The following CEP162 variants were observed in gnomAD, a reference collection of about 807,000 sequenced individuals.
The protein encoded by CEP162 is centrosomal protein of 162 kDa.
Under a neutral mutation model 169.2 loss-of-function variants are expected in CEP162, and 141 were observed. The ratio of observed to expected loss-of-function variants is 0.83; its 90% CI spans 0.73 to 0.96. CEP162 has a LOEUF of 0.96. Among genes scored for constraint, CEP162 ranks in the 40% least tolerant of loss-of-function variants. The pLI, the probability that CEP162 is intolerant of heterozygous loss-of-function variation, is 0.00. For synonymous variants in CEP162, 540 were observed against 526.4 expected (o/e 1.03, Z -0.35); for missense variants, 1,600 against 1,587.2 (o/e 1.01, Z -0.14).
intron 3 of CEP162, 44 bp downstream of exon 3, chr6:84,221,013 C>T (rs1352424158): frequency 1.0e-6 from 1 of 979,422 alleles, no homozygotes; most frequent in African/African-American, 1.6e-5. Flanking sequence ...TTGACTGACC[C>T]CTTGTGGTCA....
At chr6:84,189,780 G>C (rs2099538972) in intron 11 of CEP162, among the ~76,000 whole-genome samples, 1 of 152,254 alleles carries the variant, frequency 6.6e-6, no homozygotes, top group African/African-American at 2.4e-5. Flanking sequence ...CTGGCAGGCA[G>C]CTCCACCTGC....
chr6:84,175,454 A>T, intron 13 of CEP162, 107 bp from the exon 14 acceptor site: 1 of 771,382 alleles, frequency 1.3e-6, no homozygotes, highest in Non-Finnish European at 2.0e-6. Flanking sequence ...AAAAATGAGG[A>T]TCTCAGAATA....
At chr6:84,211,280 G>A (rs571878466) in intron 6 of CEP162, among the ~76,000 whole-genome samples, 71 of 151,302 alleles carry the variant, frequency 4.7e-4, no homozygotes, top group African/African-American at 1.7e-3. Flanking sequence ...TGTAATCCCA[G>A]CACTTTGGGA....
chr6:84,202,627 G>A (rs1211614658), intron 7 of CEP162, among the ~76,000 whole-genome samples: 4 of 146,960 alleles, frequency 2.7e-5, no homozygotes, highest in Admixed American at 2.1e-4. Context: ...CCTGGGGTTC[G>A]AGCAATTCTC....
chr6:84,180,025 G>A (rs1046737995), intron 13 of CEP162, among the ~76,000 whole-genome samples: 2 of 152,052 alleles, frequency 1.3e-5, no homozygotes, highest in African/African-American at 4.8e-5. Flanking sequence ...ACTAAAGCCT[G>A]GCAGAGACAC....
At chr6:84,173,127 T>A (rs538452877) in intron 16 of CEP162, among the ~76,000 whole-genome samples, 67 of 152,188 alleles carry the variant, frequency 4.4e-4, no homozygotes, top group Admixed American at 1.4e-3. Context: ...CTGAAGAGCA[T>A]TACAGGAAAC....
Position 84,215,398 on chromosome 6 carries a change from C to T in CEP162, c.387G>A (p.Glu129=). 6.2e-7 allele frequency: 1 copy of T among 1,609,890 alleles called. No individual in the cohort carries two copies. The highest frequency in any genetic ancestry group is 8.5e-7 in the Non-Finnish European group (1 of 1,177,746). Residue 129 remains glutamate, a synonymous_variant, in exon 5 of 27, where the codon GAG becomes GAA. Coordinates refer to ENST00000403245, the MANE Select transcript of CEP162 (RefSeq NM_014895.4). The stretch of plus-strand genomic sequence containing the variant: ...GCCTGGCAAAAAATTGTTCTTTCTC[C>T]TCTTGTTCTTCTAATGTGTCCAATC... The part of the protein sequence containing the change: ...GVGLDTLEEQ[E]EKEQFFARLE...
At chr6:84,148,903 T>TA (rs2099520072) in intron 24 of CEP162, among the ~76,000 whole-genome samples, 3 of 152,156 alleles carry the variant, frequency 2.0e-5, no homozygotes, top group Non-Finnish European at 2.9e-5. Flanking sequence ...ATGCTATTTT[T>TA]ATAAGTGACA....
intron 18 of CEP162, among the ~76,000 whole-genome samples, chr6:84,168,782 T>C (rs2099528837): frequency 6.6e-6 from 1 of 152,184 alleles, no homozygotes; most frequent in South Asian, 2.1e-4. Context: ...TTCTTTATAA[T>C]ACAATTTAAT....
At chr6:84,175,571 A>G (rs9294294) in intron 13 of CEP162, among the ~76,000 whole-genome samples, 5,993 of 152,316 alleles carry the variant, frequency 0.039, 216 homozygotes, top group African/African-American at 0.098. Context: ...CAGATGGCCA[A>G]TTAACCCAAG....
chr6:84,134,438 G>A (rs991822133), intron 25 of CEP162, among the ~76,000 whole-genome samples: 7 of 152,166 alleles, frequency 4.6e-5, no homozygotes, highest in South Asian at 2.1e-4. Context: ...CCAAACGGCC[G>A]CCCAGTTTTG....
At chr6:84,222,802 T>C (rs2099554227) in intron 2 of CEP162, among the ~76,000 whole-genome samples, 3 of 152,154 alleles carry the variant, frequency 2.0e-5, no homozygotes, top group African/African-American at 7.2e-5. Flanking sequence ...AATCTTCCAC[T>C]TGCCAAACAA....
intron 13 of CEP162, among the ~76,000 whole-genome samples, chr6:84,183,615 C>T (rs1309850651): frequency 1.3e-5 from 2 of 152,112 alleles, no homozygotes; most frequent in Admixed American, 1.3e-4. Flanking sequence ...GTGTCACACT[C>T]CATTGATGCC....
At chr6:84,210,339 A>AG (rs2099548950) in intron 6 of CEP162, among the ~76,000 whole-genome samples, 1 of 152,208 alleles carries the variant, frequency 6.6e-6, no homozygotes, top group Non-Finnish European at 1.5e-5. Context: ...GCCAATCTAG[A>AG]GGACTTTCTC....
At chr6:84,134,919 T>TATACACACACACAC (rs1457258897) in intron 25 of CEP162, among the ~76,000 whole-genome samples, 2 of 148,256 alleles carry the variant, frequency 1.3e-5, no homozygotes, top group African/African-American at 5.0e-5. Context: ...AGATCATATA[T>TATACACACACACAC]ACACACACAC....
In CEP162 at chr6:84,198,116, A is replaced by C; in HGVS notation, c.835+2673T>G. Among the ~76,000 whole-genome samples the C allele has an allele frequency of 1.3e-5, 2 of 152,186 alleles. 1 individual carries two copies. The highest frequency in any genetic ancestry group is 2.9e-5 in the Non-Finnish European group (2 of 68,034). On this transcript the variant is annotated intron_variant, in intron 9 of 26. Coordinates refer to ENST00000403245, the MANE Select transcript of CEP162 (RefSeq NM_014895.4). ...AAAAGAGAATCTTTGACAATGTTTA[A>C]AGTTAGCCAATGTTTGAAAATTAAC...
intron 6 of CEP162, among the ~76,000 whole-genome samples, chr6:84,207,655 A>G (rs935005884): frequency 1.3e-5 from 2 of 152,020 alleles, no homozygotes; most frequent in African/African-American, 4.8e-5. Context: ...AACATGGCAC[A>G]TGTATACATA....
chr6:84,125,587 A>G (rs1285872096), intron 26 of CEP162, among the ~76,000 whole-genome samples: 2 of 152,152 alleles, frequency 1.3e-5, no homozygotes, highest in Non-Finnish European at 2.9e-5. Flanking sequence ...GATAAGAACC[A>G]GTGTTTCCAC....
At chr6:84,196,837 G>T (rs2099542365) in intron 9 of CEP162, among the ~76,000 whole-genome samples, 1 of 152,116 alleles carries the variant, frequency 6.6e-6, no homozygotes, top group African/African-American at 2.4e-5. Flanking sequence ...TAGTGCTTCA[G>T]GTCCCCATGG....
Sources: allele counts gnomAD v4.1 joint callset (sites outside exome capture counted in the v4.1 genomes callset), GRCh38; gene constraint gnomAD v4.1.1; transcripts MANE v1.5; gene names NCBI Gene and HGNC (gene_info 2026-07-23, HGNC 2026-07-21).